The following STK39 variants were observed in gnomAD, a reference collection of about 807,000 sequenced individuals.
STK39 encodes STE20/SPS1-related proline-alanine-rich protein kinase.
In STK39, 20 loss-of-function variants were observed where a neutral mutation model predicts 77.8. The ratio of observed to expected loss-of-function variants is 0.26; its 90% confidence interval spans 0.18 to 0.37. STK39 has a LOEUF of 0.37. Ranked by LOEUF, STK39 falls within the 10% of genes least tolerant of loss-of-function variation. The pLI is 1.00. For synonymous variants in STK39, 246 were observed against 234.1 expected, an observed-to-expected ratio of 1.05 and a Z score of -0.47; for missense variants, 479 against 656.5, an observed-to-expected ratio of 0.73 and a Z score of 2.95.
chr2:168,198,521 C>A (rs1689531415), intron 1 of STK39, among the ~76,000 whole-genome samples: 1 of 152,154 alleles, frequency 6.6e-6, no homozygotes, highest in South Asian at 2.1e-4. Context: ...ATTCACCTGT[C>A]AATGACTTCC....
At chr2:168,054,775 A>C (rs1685481237) in intron 14 of STK39, among the ~76,000 whole-genome samples, 2 of 66,872 alleles carry the variant, frequency 3.0e-5, no homozygotes, top group South Asian at 3.5e-4. Context: ...TGTTGAAAAA[A>C]ACAAAAAAAA....
chr2:168,183,546 C>T (rs1299323594), intron 1 of STK39, among the ~76,000 whole-genome samples: 1 of 152,212 alleles, frequency 6.6e-6, no homozygotes, highest in African/African-American at 2.4e-5. Context: ...CAAGCCAGAG[C>T]ACATGCTTCC....
At chr2:168,243,631 A>T (rs924436264) in intron 1 of STK39, among the ~76,000 whole-genome samples, 2 of 152,220 alleles carry the variant, frequency 1.3e-5, no homozygotes, top group African/African-American at 4.8e-5. Flanking sequence ...CTCAGAAGAA[A>T]TTCAGCAAAG....
chr2:168,033,203 T>C (rs1684870041), intron 14 of STK39, among the ~76,000 whole-genome samples: 1 of 151,556 alleles, frequency 6.6e-6, no homozygotes, highest in Non-Finnish European at 1.5e-5. Flanking sequence ...GGTACGGAAG[T>C]CAGCAACCTT....
rs192042878 is a variant in STK39 at position 168,051,217 on chromosome 2, A to G, written c.1376+12283T>C. Among the ~76,000 whole-genome samples the G allele has an allele frequency of 2.2e-3, 334 of 152,302 alleles. 4 individuals carry two copies. The highest frequency in any genetic ancestry group is 7.8e-3 in the African/African-American group (323 of 41,574). On this transcript the variant is annotated intron_variant, in intron 14 of 17. Transcript: ENST00000355999. ...AAAACTGGAGAGGAGAATTTTTAGA[A>G]TGCTAAGAGCAGCAGGTTACCTCAT...
At chr2:168,083,362 G>A (rs183173471) in intron 10 of STK39, among the ~76,000 whole-genome samples, 1 of 151,870 alleles carries the variant, frequency 6.6e-6, no homozygotes, top group Non-Finnish European at 1.5e-5. Flanking sequence ...AGGGCAGAGA[G>A]CTTGTTTTAG....
At chr2:168,237,754 T>C (rs1487675615) in intron 1 of STK39, among the ~76,000 whole-genome samples, 1 of 152,170 alleles carries the variant, frequency 6.6e-6, no homozygotes, top group Non-Finnish European at 1.5e-5. Flanking sequence ...GCAGCTGGGA[T>C]GGATTTTTTT....
chr2:168,247,345 C>G lies in STK39; in HGVS notation c.91G>C (p.Ala31Pro). The G allele has an allele frequency of 9.6e-7, 1 of 1,045,666 alleles. No homozygotes were observed. The highest frequency in any genetic ancestry group is 1.2e-6 in the Non-Finnish European group (1 of 867,006). The allele number at this position is 1,045,666 out of a possible 1,614,324, so 64.8% of individuals were successfully genotyped here. A position where few individuals can be genotyped will look rare whatever the true frequency, so the allele number is the denominator to read the frequency against. ...TAAAAAAPAAATAAPAPAAPA... is the reference protein window; with the variant it reads ...TAAAAAAPAAPTAAPAPAAPA... ...GCTGCCGGGGCCGGCGCTGCTGTCG[C>G]GGCCGCCGGGGCCGCCGCCGCCGCC... is the stretch of plus-strand genomic sequence containing the variant. The change falls in exon 1 of 18, where the codon GCG becomes CCG. Residue 31 changes from alanine to proline, a missense_variant. Ala to Pro is a conservative substitution (Grantham distance 27, BLOSUM62 -1). Transcript: ENST00000355999.
intron 14 of STK39, among the ~76,000 whole-genome samples, chr2:168,027,490 C>A (rs1488712451): frequency 6.6e-6 from 1 of 152,104 alleles, no homozygotes; most frequent in African/African-American, 2.4e-5. Context: ...ATCACACAGC[C>A]CCAAACCAAT....
At chr2:168,157,846 T>C (rs953851572) in intron 5 of STK39, among the ~76,000 whole-genome samples, 2 of 152,198 alleles carry the variant, frequency 1.3e-5, no homozygotes, top group Non-Finnish European at 2.9e-5. Flanking sequence ...CATAATGTAG[T>C]AGTAAGCTTC....
chr2:168,138,331 G>A (rs891409139), intron 7 of STK39, 110 bp from the exon 8 acceptor site: 17 of 1,373,558 alleles, frequency 1.2e-5, no homozygotes, highest in Non-Finnish European at 1.6e-5. Flanking sequence ...GATACAAAGT[G>A]CTTTCCCATG....
Position 168,138,224 on chromosome 2 carries a change from G to T in STK39, c.841-3C>A, listed in dbSNP as rs1440045137. The stretch of plus-strand genomic sequence containing the variant: ...TTTTGCAAAGTCAACATTAACACCT[G>T]CAGCAGAAACAAACATGAAGACAGA... On this transcript the variant is annotated splice_polypyrimidine_tract_variant and splice_region_variant and intron_variant, in intron 7 of 17. Coordinates refer to ENST00000355999, the MANE Select transcript of STK39 (RefSeq NM_013233.3). The T allele has an allele frequency of 7.5e-6, 12 of 1,609,372 alleles. No homozygotes were observed. The highest frequency in any genetic ancestry group is 1.3e-5 in the African/African-American group (1 of 74,928).
At chr2:168,109,884 T>C (rs916462712) in intron 10 of STK39, among the ~76,000 whole-genome samples, 1 of 152,238 alleles carries the variant, frequency 6.6e-6, no homozygotes, top group African/African-American at 2.4e-5. Context: ...GTTTTTTGTG[T>C]GTTTATGTTC....
chr2:168,138,057 G>T (rs753055739), intron 8 of STK39, 31 bp downstream of exon 8: 1 of 1,608,862 alleles, frequency 6.2e-7, no homozygotes, highest in African/African-American at 1.3e-5. Context: ...CTCAAACCAG[G>T]TCATTAACTC....
chr2:168,114,745 C>T (rs1687214426), intron 10 of STK39, among the ~76,000 whole-genome samples: 1 of 152,142 alleles, frequency 6.6e-6, no homozygotes, highest in Non-Finnish European at 1.5e-5. Flanking sequence ...ATGACCAACA[C>T]CTGGCACCGC....
chr2:168,129,538 TA>T lies in STK39; in HGVS notation c.1089+2del. 1 of 1,614,082 alleles carries T rather than the reference TA, an allele frequency of 6.2e-7. No homozygotes were observed. Among genetic ancestry groups the T allele is most frequent in the Non-Finnish European group, 8.5e-7 (1 of 1,179,942 alleles). ...CAGGGTCATGAAGGCTAATGGCACT[TA>T]CCTTTTTGGCTCTTTGGGCTATGTC... On this transcript the variant is annotated splice_donor_variant, in intron 10 of 17. Transcript: ENST00000355999. LOFTEE classifies it high-confidence loss of function.
intron 14 of STK39, among the ~76,000 whole-genome samples, chr2:168,038,952 G>C (rs1453274392): frequency 6.6e-6 from 1 of 152,188 alleles, no homozygotes; most frequent in East Asian, 1.9e-4. Flanking sequence ...TGGTGGGACT[G>C]TAAAATGGAA....
At chr2:168,228,523 G>C (rs1201345998) in intron 1 of STK39, among the ~76,000 whole-genome samples, 9 of 152,134 alleles carry the variant, frequency 5.9e-5, no homozygotes, top group African/African-American at 2.2e-4. Context: ...AGGATCAGCG[G>C]CTCACACCTG....
intron 2 of STK39, among the ~76,000 whole-genome samples, chr2:168,168,087 G>A (rs1012554667): frequency 8.5e-5 from 13 of 152,298 alleles, no homozygotes; most frequent in Non-Finnish European, 1.6e-4. Flanking sequence ...GCTCTGAGAA[G>A]TCCTGCAGTA....
Sources: gnomAD v4.1 joint callset for allele counts (sites outside exome capture counted in the v4.1 genomes callset) on GRCh38, gnomAD v4.1.1 for gene constraint, MANE v1.5 for transcripts, NCBI Gene and HGNC (gene_info 2026-07-23, HGNC 2026-07-21) for gene names.